The following SH3KBP1 variants were observed in gnomAD, a reference collection of about 807,000 sequenced individuals.
The protein encoded by SH3KBP1 is SH3 domain-containing kinase-binding protein 1.
SH3KBP1 carries 8 observed loss-of-function variants against 50.1 expected under a neutral mutation model. The observed-to-expected ratio is 0.16, with a 90% CI of 0.09 to 0.29. SH3KBP1 has a LOEUF of 0.29. Among genes scored for constraint, SH3KBP1 ranks in the 10% least tolerant of loss-of-function variants. The probability of loss-of-function intolerance (pLI) is 1.00; values close to 1 mark genes in which losing one functional copy is unlikely to be tolerated. For missense variants in SH3KBP1, 377 were observed against 535.2 expected (o/e 0.70, Z 2.92); for synonymous variants, 227 against 218.6 (o/e 1.04, Z -0.34).
At chrX:19,722,583 T>TGCGCACTG (rs1569442151) in intron 3 of SH3KBP1, among the ~76,000 whole-genome samples, 1 of 104,081 alleles carries the variant, frequency 9.6e-6, no homozygotes, top group African/African-American at 3.6e-5. Context: ...TGTGTGTGTG[T>TGCGCACTG]GTGTGTGTGT....
At chrX:19,689,913 A>G (rs2063246155) in intron 5 of SH3KBP1, among the ~76,000 whole-genome samples, 1 of 111,825 alleles carries the variant, frequency 8.9e-6, no homozygotes, top group Admixed American at 9.5e-5. Context: ...ACAGAGTGGG[A>G]TTTGTCAGAC....
intron 3 of SH3KBP1, among the ~76,000 whole-genome samples, chrX:19,723,396 T>C: frequency 8.9e-6 from 1 of 112,155 alleles, no homozygotes; most frequent in Non-Finnish European, 1.9e-5. Flanking sequence ...CTAAATGAAC[T>C]GATACGGCAA....
chrX:19,745,316 G>A (rs2064885690), intron 3 of SH3KBP1, among the ~76,000 whole-genome samples: 1 of 112,483 alleles, frequency 8.9e-6, no homozygotes, highest in Non-Finnish European at 1.9e-5. Flanking sequence ...AAAGGGAAAT[G>A]TAACCCAGGG....
chrX:19,664,366 G>C (rs2148498040), intron 6 of SH3KBP1, among the ~76,000 whole-genome samples: 1 of 111,356 alleles, frequency 9.0e-6, no homozygotes, highest in East Asian at 2.8e-4. Context: ...ATATGGAAAA[G>C]TCAGGGTTGG....
chrX:19,682,545 T>C (rs2063080400), intron 6 of SH3KBP1, among the ~76,000 whole-genome samples: 1 of 111,239 alleles, frequency 9.0e-6, no homozygotes, highest in South Asian at 3.8e-4. Context: ...CTTTTGTAAA[T>C]GTTCACAGGA....
chrX:19,577,456 T>C (rs918573352), intron 12 of SH3KBP1, among the ~76,000 whole-genome samples: 1 of 111,276 alleles, frequency 9.0e-6, no homozygotes, highest in Non-Finnish European at 1.9e-5. Context: ...AGTTTAAAAG[T>C]ACTACTAATA....
chrX:19,741,567 A>G (rs2064770581), intron 3 of SH3KBP1, among the ~76,000 whole-genome samples: 1 of 112,154 alleles, frequency 8.9e-6, no homozygotes, highest in Non-Finnish European at 1.9e-5. Context: ...CCAAACACTG[A>G]ATTCATGATA....
Position 19,887,338 on chromosome X carries a change from G to A in SH3KBP1, c.-28C>T, listed in dbSNP as rs1216018243. On this transcript the variant is annotated 5_prime_UTR_variant, in exon 1 of 18. Coordinates refer to ENST00000397821, the MANE Select transcript of SH3KBP1 (RefSeq NM_031892.3). Reference sequence around the variant, plus strand: ...GCGTCGAGCCGGGCCGGGCCGCCGAGGCAGCGTGAAAGTTGGCGGAGGCGG... The same window carrying A: ...GCGTCGAGCCGGGCCGGGCCGCCGAAGCAGCGTGAAAGTTGGCGGAGGCGG... 31 of 971,267 alleles carry A rather than the reference G, an allele frequency of 3.2e-5. No individual in the cohort carries two copies. Among genetic ancestry groups the A allele is most frequent in the Non-Finnish European group, 3.9e-5 (30 of 773,342 alleles). The allele number at this position is 971,267 out of a possible 1,213,427, so 80.0% of individuals were successfully genotyped here.
At chrX:19,812,845 C>T (rs775891963) in intron 2 of SH3KBP1, among the ~76,000 whole-genome samples, 9 of 110,508 alleles carry the variant, frequency 8.1e-5, no homozygotes, top group Non-Finnish European at 1.5e-4. Flanking sequence ...TGTGTTAGTG[C>T]ACGCCTGTAG....
At chrX:19,761,988 T>C (rs1686151368) in intron 2 of SH3KBP1, among the ~76,000 whole-genome samples, 1 of 112,598 alleles carries the variant, frequency 8.9e-6, no homozygotes, top group Admixed American at 9.3e-5. Context: ...AACTGTAGGA[T>C]AGACCAGTAT....
chrX:19,561,696 T>C (rs1403662988), intron 13 of SH3KBP1, among the ~76,000 whole-genome samples: 1 of 111,902 alleles, frequency 8.9e-6, no homozygotes, highest in Admixed American at 9.5e-5. Context: ...CCCATTAAGC[T>C]AAATTTGTTC....
intron 2 of SH3KBP1, among the ~76,000 whole-genome samples, chrX:19,786,960 C>T (rs924285146): frequency 8.9e-5 from 10 of 112,012 alleles, no homozygotes; most frequent in African/African-American, 3.2e-4. Flanking sequence ...TTTTCTGTTA[C>T]AAATCATTTC....
At chrX:19,659,920 TTCTGGTAA>T (rs773583847) in intron 6 of SH3KBP1, among the ~76,000 whole-genome samples, 194 of 112,772 alleles carry the variant, frequency 1.7e-3, no homozygotes, top group Non-Finnish European at 3.0e-3. Flanking sequence ...GAGGACTGGG[TTCTGGTAA>T]TCTTTGTATC....
At chrX:19,549,094 T>C (rs1477635217) in intron 14 of SH3KBP1, among the ~76,000 whole-genome samples, 1 of 111,765 alleles carries the variant, frequency 8.9e-6, no homozygotes, top group Non-Finnish European at 1.9e-5. Context: ...CACATACTCA[T>C]AGGTTAGAAA....
chrX:19,597,800 C>T (rs1375865673), intron 9 of SH3KBP1, among the ~76,000 whole-genome samples: 1 of 112,489 alleles, frequency 8.9e-6, no homozygotes, highest in East Asian at 2.8e-4. Flanking sequence ...TGCATTAGCC[C>T]CTACTAAGAG....
chrX:19,577,808 A>G (rs1329621680), intron 12 of SH3KBP1, among the ~76,000 whole-genome samples: 2 of 111,011 alleles, frequency 1.8e-5, no homozygotes, highest in Non-Finnish European at 3.8e-5. Flanking sequence ...GAAAGAGCAA[A>G]TCTACCGATT....
chrX:19,879,813 T>A (rs1341310991), intron 1 of SH3KBP1, among the ~76,000 whole-genome samples: 1 of 113,045 alleles, frequency 8.8e-6, no homozygotes, highest in African/African-American at 3.2e-5. Context: ...GGACTGATAA[T>A]GAAGTAAGGA....
At chrX:19,690,038 TTCTC>T (rs566949129) in intron 5 of SH3KBP1, among the ~76,000 whole-genome samples, 1,483 of 95,338 alleles carry the variant, frequency 0.016, 11 homozygotes, top group South Asian at 0.031. Flanking sequence ...AAAACCATCT[TTCTC>T]TCTCTCTCTC....
intron 1 of SH3KBP1, among the ~76,000 whole-genome samples, chrX:19,878,530 G>C (rs2069331721): frequency 1.0e-5 from 1 of 97,022 alleles, no homozygotes; most frequent in Non-Finnish European, 2.0e-5. Flanking sequence ...GAGAGAGAGA[G>C]AGAAAATAAA....
Sources: gnomAD v4.1 joint callset for allele counts (sites outside exome capture counted in the v4.1 genomes callset) on GRCh38, gnomAD v4.1.1 for gene constraint, MANE v1.5 for transcripts, NCBI Gene and HGNC (gene_info 2026-07-23, HGNC 2026-07-21) for gene names.